TNRC6B: variants seen among roughly 807,000 people sequenced by gnomAD.
TNRC6B encodes the protein trinucleotide repeat-containing gene 6B protein.
Under a neutral mutation model 203.6 loss-of-function variants are expected in TNRC6B, and 52 were observed. That is an observed-to-expected ratio of 0.26 (90% confidence interval 0.20 to 0.32). The LOEUF is 0.32. TNRC6B is among the 10% of genes least tolerant of loss of function. TNRC6B has a pLI of 1.00. For synonymous variants in TNRC6B, 838 were observed against 845.7 expected, an observed-to-expected ratio of 0.99 and a Z score of 0.16; for missense variants, 1,923 against 2,286.2, an observed-to-expected ratio of 0.84 and a Z score of 3.24.
chr22:40,192,936 G>T lies in TNRC6B; in HGVS notation c.5+14796G>T, dbSNP rs150878281. ...AGCCATTTACTTACATGCAGAGGTG[G>T]TCCTTTAGGCCATGGGAGTGACAGT... On this transcript the variant is annotated intron_variant, in intron 1 of 22. Coordinates refer to ENST00000454349, the MANE Select transcript of TNRC6B (RefSeq NM_001162501.2). Among the ~76,000 whole-genome samples, 27 of 152,370 alleles carry T rather than the reference G, an allele frequency of 1.8e-4. No individual in the cohort carries two copies. In the East Asian group the frequency reaches 5.2e-3, roughly 29 times the overall value.
chr22:40,227,205 G>A (rs1015957822), intron 1 of TNRC6B, among the ~76,000 whole-genome samples: 12 of 148,482 alleles, frequency 8.1e-5, no homozygotes, highest in African/African-American at 9.9e-5. Context: ...CTCAGCCTCC[G>A]AAAGTGCTGG....
At chr22:40,309,363 C>T (rs754794646) in intron 16 of TNRC6B, among the ~76,000 whole-genome samples, 56 of 152,238 alleles carry the variant, frequency 3.7e-4, no homozygotes, top group African/African-American at 1.3e-3. Context: ...CCTGCTGCAG[C>T]GCCCTGGCAG....
At chr22:40,246,139 TA>T (rs1247448459) in intron 2 of TNRC6B, 37 bp downstream of exon 2, 1 of 1,455,858 alleles carries the variant, frequency 6.9e-7, no homozygotes, top group Admixed American at 2.3e-5. Flanking sequence ...TTTTATCTGC[TA>T]GGCATCCAGC....
chr22:40,182,557 A>G (rs1483843424), intron 1 of TNRC6B, among the ~76,000 whole-genome samples: 5 of 152,156 alleles, frequency 3.3e-5, no homozygotes, highest in African/African-American at 9.7e-5. Context: ...TTTCCGTCAT[A>G]TATTTGTTCA....
chr22:40,282,506 C>T (rs1468656532), intron 11 of TNRC6B, among the ~76,000 whole-genome samples: 1 of 151,902 alleles, frequency 6.6e-6, no homozygotes, highest in South Asian at 2.1e-4. Flanking sequence ...TATTTTGAAT[C>T]GAGGTATAGA....
chr22:40,254,643 T>G (rs2070241846), intron 3 of TNRC6B, among the ~76,000 whole-genome samples: 1 of 152,164 alleles, frequency 6.6e-6, no homozygotes, highest in African/African-American at 2.4e-5. Context: ...ATGCCAACAC[T>G]TTGGGAGGCC....
chr22:40,124,114 G>A (rs1034073536), intron 2 of TNRC6B, among the ~76,000 whole-genome samples: 1 of 152,208 alleles, frequency 6.6e-6, no homozygotes, highest in Non-Finnish European at 1.5e-5. Flanking sequence ...TTCCCAACAA[G>A]ACCTTGCTAG....
intron 1 of TNRC6B, among the ~76,000 whole-genome samples, chr22:40,096,265 T>C (rs2068185446): frequency 1.3e-5 from 2 of 152,156 alleles, no homozygotes; most frequent in Non-Finnish European, 2.9e-5. Context: ...TCATTGGCCA[T>C]AAGGAACAGC....
intron 1 of TNRC6B, among the ~76,000 whole-genome samples, chr22:40,060,200 CT>C (rs112050371): frequency 0.08 from 10,498 of 132,046 alleles, 1,244 homozygotes; most frequent in African/African-American, 0.26. Flanking sequence ...ATGCACATGA[CT>C]TTTTTTTTTA....
At chr22:40,166,142 C>T (rs1016902627) in intron 4 of TNRC6B, among the ~76,000 whole-genome samples, 2 of 152,268 alleles carry the variant, frequency 1.3e-5, no homozygotes, top group East Asian at 3.9e-4. Context: ...GTCTGGTTTC[C>T]TTCTCCCTTA....
intron 17 of TNRC6B, among the ~76,000 whole-genome samples, chr22:40,311,687 G>A (rs535609650): frequency 2.5e-4 from 38 of 152,128 alleles, no homozygotes; most frequent in Admixed American, 2.4e-3. Context: ...GATTACAGGC[G>A]CCTGCTACCA....
At chr22:40,296,621 C>T (rs966763973) in intron 12 of TNRC6B, among the ~76,000 whole-genome samples, 7 of 149,450 alleles carry the variant, frequency 4.7e-5, no homozygotes, top group Non-Finnish European at 8.9e-5. Context: ...CGTGAGCCAC[C>T]GCGCCCGGCC....
At chr22:40,195,208 A>G (rs1391149925) in intron 1 of TNRC6B, among the ~76,000 whole-genome samples, 3 of 152,214 alleles carry the variant, frequency 2.0e-5, no homozygotes, top group African/African-American at 7.2e-5. Context: ...ATGTAAACAA[A>G]TTATAATGGT....
chr22:40,079,046 C>G (rs1334304203), intron 1 of TNRC6B, among the ~76,000 whole-genome samples: 3 of 151,714 alleles, frequency 2.0e-5, no homozygotes, highest in Non-Finnish European at 4.4e-5. Context: ...TGCACTCCAG[C>G]CTGGGCGACA....
chr22:40,053,160 T>C (rs1320314691), intron 1 of TNRC6B, among the ~76,000 whole-genome samples: 1 of 135,478 alleles, frequency 7.4e-6, no homozygotes, highest in African/African-American at 2.6e-5. Context: ...AGATTTTCTT[T>C]AAAAAAAAAA....
chr22:40,267,113 T>C, intron 5 of TNRC6B, 77 bp downstream of exon 5: 3 of 1,388,198 alleles, frequency 2.2e-6, no homozygotes, highest in South Asian at 1.6e-5. Flanking sequence ...TAGGTGAATT[T>C]ATTCAACTTA....
At chr22:40,314,136 A>G (rs1211348900) in intron 19 of TNRC6B, among the ~76,000 whole-genome samples, 1 of 152,182 alleles carries the variant, frequency 6.6e-6, no homozygotes, top group Non-Finnish European at 1.5e-5. Flanking sequence ...CATCTGAGAG[A>G]TGGCCCAAGA....
intron 9 of TNRC6B, among the ~76,000 whole-genome samples, chr22:40,278,475 G>C (rs768950113): frequency 6.6e-6 from 1 of 150,888 alleles, no homozygotes; most frequent in African/African-American, 2.4e-5. Context: ...GGAGAATGGC[G>C]TGAACCCAGG....
chr22:40,175,011 A>G (rs920817975), upstream of TNRC6B, among the ~76,000 whole-genome samples: 6 of 152,138 alleles, frequency 3.9e-5, no homozygotes, highest in African/African-American at 1.4e-4. Flanking sequence ...GATTAGACTA[A>G]TTGTATTAAA....
Sources: gnomAD v4.1 joint callset for allele counts (sites outside exome capture counted in the v4.1 genomes callset) on GRCh38, gnomAD v4.1.1 for gene constraint, MANE v1.5 for transcripts, NCBI Gene and HGNC (gene_info 2026-07-23, HGNC 2026-07-21) for gene names.